CSMD3: variants seen among roughly 807,000 people sequenced by gnomAD.
CSMD3 encodes the protein CUB and Sushi multiple domains 3, also known as CUB and sushi domain-containing protein 3.
In CSMD3, 177 loss-of-function variants were observed where a neutral mutation model predicts 435.2. The observed-to-expected ratio is 0.41, with a 90% CI of 0.36 to 0.46. The LOEUF is 0.46. CSMD3 is among the 20% of genes least tolerant of loss of function. The probability of loss-of-function intolerance (pLI) is 0.34; values close to 1 mark genes in which losing one functional copy is unlikely to be tolerated. For synonymous variants in CSMD3, 1,656 were observed against 1,520.5 expected, an observed-to-expected ratio of 1.09 and a Z score of -2.07; for missense variants, 4,265 against 4,504.6, an observed-to-expected ratio of 0.95 and a Z score of 1.52.
rs368218379 is a variant in CSMD3 at position 112,465,177 on chromosome 8, C to T, written c.5395+7414G>A. Among the ~76,000 whole-genome samples the T allele has an allele frequency of 6.6e-5, 10 of 152,232 alleles. No homozygotes were observed. The East Asian group carries it at 9.7e-4, about 15-fold the overall frequency. ...TCCATTTAGTAGCCTATTTTAGCTG[C>T]TTTTAAGCCTGGAAAAAATTAATGC... is the stretch of plus-strand genomic sequence containing the variant. On this transcript the variant is annotated intron_variant, in intron 32 of 70. Transcript: ENST00000297405.
intron 3 of CSMD3, among the ~76,000 whole-genome samples, chr8:113,200,398 G>A (rs1366968173): frequency 1.3e-5 from 2 of 151,462 alleles, no homozygotes; most frequent in Admixed American, 6.6e-5. Context: ...AGTCTACATA[G>A]CAAGAGTGAT....
chr8:112,634,478 T>A (rs2074602670), intron 22 of CSMD3, among the ~76,000 whole-genome samples: 1 of 152,024 alleles, frequency 6.6e-6, no homozygotes, highest in Admixed American at 6.6e-5. Flanking sequence ...TTGTAAATTT[T>A]AATAAGCTTA....
At chr8:112,286,670 G>GA (rs1388584745) in intron 58 of CSMD3, among the ~76,000 whole-genome samples, 1 of 152,018 alleles carries the variant, frequency 6.6e-6, no homozygotes, top group African/African-American at 2.4e-5. Context: ...AGGTATGTGT[G>GA]AAAAAATCAT....
In CSMD3 at chr8:112,390,766, A is replaced by T. The variant is rs1332598198; in HGVS notation, c.5832T>A (p.Thr1944=). 3 of 1,613,594 alleles carry T rather than the reference A, an allele frequency of 1.9e-6. No homozygotes were observed. Among genetic ancestry groups the T allele is most frequent in the Non-Finnish European group, 2.5e-6 (3 of 1,179,530 alleles). Reference sequence around the variant, plus strand: ...GTGACAAAATAGTCCCTTTGCGCTTAGTTAAAATTCCACCACAGGGCACTG... The same window carrying T: ...GTGACAAAATAGTCCCTTTGCGCTTTGTTAAAATTCCACCACAGGGCACTG... ...TCIVPCGGIL[T]KRKGTILSPG... Residue 1944 remains threonine, a synonymous_variant, in exon 36 of 71, where the codon ACT becomes ACA. Transcript: ENST00000297405.
chr8:112,433,321 G>A (rs1046855793), intron 32 of CSMD3, among the ~76,000 whole-genome samples: 2 of 151,748 alleles, frequency 1.3e-5, no homozygotes, highest in African/African-American at 4.8e-5. Context: ...CTTGTGGGAA[G>A]AGATGTCTGG....
At chr8:113,120,300 G>C (rs1233912203) in intron 4 of CSMD3, among the ~76,000 whole-genome samples, 2 of 151,976 alleles carry the variant, frequency 1.3e-5, no homozygotes, top group African/African-American at 4.8e-5. Context: ...ATTAACAACT[G>C]TAATCCTCCC....
At chr8:113,066,044 T>A (rs2088840090) in intron 5 of CSMD3, among the ~76,000 whole-genome samples, 1 of 151,208 alleles carries the variant, frequency 6.6e-6, no homozygotes, top group Non-Finnish European at 1.5e-5. Flanking sequence ...TGCTCAATTT[T>A]TTTTTTTCTG....
intron 32 of CSMD3, among the ~76,000 whole-genome samples, chr8:112,451,467 T>G (rs1189963233): frequency 6.6e-6 from 1 of 152,180 alleles, no homozygotes; most frequent in African/African-American, 2.4e-5. Flanking sequence ...TGTACTTTCT[T>G]TTTTGAGTCT....
intron 5 of CSMD3, among the ~76,000 whole-genome samples, chr8:113,087,209 G>A (rs188662467): frequency 5.4e-4 from 82 of 152,144 alleles, no homozygotes; most frequent in African/African-American, 2.0e-3. Flanking sequence ...TCTTTTTTAT[G>A]AATCCACCAA....
In CSMD3 at chr8:112,431,865, T is replaced by C. The variant is rs1813747989; in HGVS notation, c.5396-22833A>G. ...GGGATAGACAATAGACAAAGCTTAG[T>C]AACTTTTTTCTTTATTTTCATACTA... is the stretch of plus-strand genomic sequence containing the variant. On this transcript the variant is annotated intron_variant, in intron 32 of 70. Transcript: ENST00000297405. Among the ~76,000 whole-genome samples, 4 of 152,126 alleles carry C rather than the reference T, an allele frequency of 2.6e-5. No homozygotes were observed. The South Asian group carries it at 8.3e-4, about 32-fold the overall frequency.
rs1319123853 is a variant in CSMD3 at position 112,739,865 on chromosome 8, T to A, written c.1973-49815A>T. On this transcript the variant is annotated intron_variant, in intron 13 of 70. Transcript: ENST00000297405. ...CAATTTTAAAATAAGTTTTGTATTA[T>A]GTACTACATTTATAAACTCTCCTGT... is the stretch of plus-strand genomic sequence containing the variant. Among the ~76,000 whole-genome samples the A allele has an allele frequency of 6.6e-5, 10 of 151,908 alleles. No homozygotes were observed. In the South Asian group the frequency reaches 2.1e-3, roughly 31 times the overall value.
intron 22 of CSMD3, among the ~76,000 whole-genome samples, chr8:112,595,437 C>A (rs1393560423): frequency 2.0e-5 from 2 of 99,044 alleles, no homozygotes; most frequent in African/African-American, 9.2e-5. Context: ...TTGGAAAACA[C>A]TCTGCAGGAT....
At chr8:112,690,168 T>G in intron 13 of CSMD3, 118 bp from the exon 14 acceptor site, 1 of 767,052 alleles carries the variant, frequency 1.3e-6, no homozygotes. Context: ...AAAAAATAAA[T>G]ATATTCTCCA....
intron 16 of CSMD3, among the ~76,000 whole-genome samples, chr8:112,667,961 T>C (rs2075564714): frequency 6.6e-6 from 1 of 152,166 alleles, no homozygotes; most frequent in Non-Finnish European, 1.5e-5. Context: ...TTTTTATTCT[T>C]TAAATAACTT....
At chr8:113,374,848 C>CAAAAAAATGAA (rs1491428482) in intron 1 of CSMD3, among the ~76,000 whole-genome samples, 1 of 64,578 alleles carries the variant, frequency 1.5e-5, no homozygotes, top group Non-Finnish European at 3.2e-5. Flanking sequence ...AAAAAAAAAA[C>CAAAAAAATGAA]CAATAAAATG....
rs186372437 is a variant in CSMD3 at position 113,199,573 on chromosome 8, C to T, written c.515-25657G>A. On this transcript the variant is annotated intron_variant, in intron 3 of 70. Coordinates refer to ENST00000297405, the MANE Select transcript of CSMD3 (RefSeq NM_198123.2). ...CATTTTATGCTGGATTTTTCCAACA[C>T]AAAATGTGCACACATCTACTCTATA... Among the ~76,000 whole-genome samples, 6 of 151,766 alleles carry T rather than the reference C, an allele frequency of 4.0e-5. No homozygotes were observed. The East Asian group carries it at 7.8e-4, about 20-fold the overall frequency.
chr8:112,977,490 T>C (rs183938904), intron 6 of CSMD3, among the ~76,000 whole-genome samples: 13 of 152,164 alleles, frequency 8.5e-5, no homozygotes, highest in African/African-American at 3.1e-4. Context: ...TCTTGTGCTG[T>C]AGACAGGTGA....
intron 13 of CSMD3, among the ~76,000 whole-genome samples, chr8:112,768,272 G>A (rs942876513): frequency 6.6e-6 from 1 of 151,760 alleles, no homozygotes; most frequent in Non-Finnish European, 1.5e-5. Context: ...GGCAGGCAAC[G>A]AATGGCACAG....
chr8:112,602,139 G>A (rs1040220331), intron 22 of CSMD3, among the ~76,000 whole-genome samples: 20 of 152,126 alleles, frequency 1.3e-4, no homozygotes, highest in Non-Finnish European at 2.9e-4. Context: ...TGATTTTTAT[G>A]TTATTGGGAG....
Sources: allele counts gnomAD v4.1 joint callset (sites outside exome capture counted in the v4.1 genomes callset), GRCh38; gene constraint gnomAD v4.1.1; transcripts MANE v1.5; gene names NCBI Gene and HGNC (gene_info 2026-07-23, HGNC 2026-07-21).